Variants in SPATA17 observed in about 807,000 individuals in gnomAD.
SPATA17 encodes the protein spermatogenesis associated 17.
Under a neutral mutation model 62.2 loss-of-function variants are expected in SPATA17, and 53 were observed. That is an observed-to-expected ratio of 0.85 (90% CI 0.68 to 1.07). SPATA17 has a LOEUF of 1.07. Ranked by LOEUF, SPATA17 falls within the 50% of genes least tolerant of loss-of-function variation. The pLI is 0.00. For synonymous variants in SPATA17, 146 were observed against 146.8 expected, an observed-to-expected ratio of 0.99 and a Z score of 0.04; for missense variants, 466 against 425.5, an observed-to-expected ratio of 1.10 and a Z score of -0.84.
At chr1:217,712,565 TC>T (rs774583346) in intron 5 of SPATA17, among the ~76,000 whole-genome samples, 1 of 152,126 alleles carries the variant, frequency 6.6e-6, no homozygotes, top group Non-Finnish European at 1.5e-5. Flanking sequence ...TGCCCCCTCC[TC>T]CAGCCCCAGG....
chr1:217,667,280 C>A (rs2102895544), intron 3 of SPATA17, among the ~76,000 whole-genome samples: 1 of 152,092 alleles, frequency 6.6e-6, no homozygotes, highest in African/African-American at 2.4e-5. Context: ...AACTCCTGAC[C>A]TCGTGAGTCG....
chr1:217,831,614 G>T (rs567274659), intron 9 of SPATA17, among the ~76,000 whole-genome samples: 1 of 151,872 alleles, frequency 6.6e-6, no homozygotes, highest in Non-Finnish European at 1.5e-5. Flanking sequence ...TTTTCTTATG[G>T]CAAATAAAAT....
chr1:217,749,985 C>CTCTCTCTCTCTCTATA, intron 6 of SPATA17, among the ~76,000 whole-genome samples: 11 of 12,312 alleles, frequency 8.9e-4, no homozygotes, highest in Non-Finnish European at 1.3e-3. Context: ...CTCTCTCTCT[C>CTCTCTCTCTCTCTATA]TATATATATA....
At chr1:217,728,627 A>C (rs1045788881) in intron 5 of SPATA17, among the ~76,000 whole-genome samples, 2 of 152,288 alleles carry the variant, frequency 1.3e-5, no homozygotes, top group Non-Finnish European at 2.9e-5. Context: ...ATTATTTTAA[A>C]GAGTGGCATA....
intron 3 of SPATA17, among the ~76,000 whole-genome samples, chr1:217,660,650 T>A: frequency 6.6e-6 from 1 of 151,888 alleles, no homozygotes; most frequent in Non-Finnish European, 1.5e-5. Context: ...TTTAAAGAGG[T>A]GTTCTCGGTC....
At chr1:217,637,363 T>C (rs962263418) in intron 1 of SPATA17, among the ~76,000 whole-genome samples, 5 of 152,150 alleles carry the variant, frequency 3.3e-5, no homozygotes, top group African/African-American at 9.7e-5. Context: ...GAGGGGGATC[T>C]TTAAATTATT....
At chr1:217,830,814 C>T (rs1478369687) in intron 9 of SPATA17, among the ~76,000 whole-genome samples, 1 of 151,822 alleles carries the variant, frequency 6.6e-6, no homozygotes, top group East Asian at 1.9e-4. Context: ...TAAGGTTAAG[C>T]TATTAGAGAA....
intron 5 of SPATA17, among the ~76,000 whole-genome samples, chr1:217,728,380 T>G (rs1248419684): frequency 6.6e-6 from 1 of 152,192 alleles, no homozygotes; most frequent in African/African-American, 2.4e-5. Flanking sequence ...TTCTTAATTG[T>G]TATACAAATA....
At chr1:217,829,635 A>G (rs1402218659) in intron 9 of SPATA17, among the ~76,000 whole-genome samples, 330 of 149,520 alleles carry the variant, frequency 2.2e-3, no homozygotes, top group African/African-American at 7.1e-3. Flanking sequence ...CTCAAAAAAA[A>G]AAAAAAAAAA....
At chr1:217,813,204 A>G (rs1215009495) in intron 9 of SPATA17, among the ~76,000 whole-genome samples, 3 of 152,200 alleles carry the variant, frequency 2.0e-5, no homozygotes, top group Non-Finnish European at 4.4e-5. Context: ...CGTTGTCTGC[A>G]GAAACTTGGG....
chr1:217,827,470 A>G (rs946281392), intron 9 of SPATA17, among the ~76,000 whole-genome samples: 2 of 152,128 alleles, frequency 1.3e-5, no homozygotes, highest in Admixed American at 1.3e-4. Context: ...CAACATGGCA[A>G]TTCATCCAAG....
intron 8 of SPATA17, among the ~76,000 whole-genome samples, chr1:217,782,897 CTT>C (rs916044170): frequency 3.5e-4 from 53 of 151,920 alleles, no homozygotes; most frequent in South Asian, 1.0e-3. Flanking sequence ...TCTTAAGACA[CTT>C]TGTCATCAAT....
chr1:217,685,178 C>T (rs1009006521), intron 5 of SPATA17, among the ~76,000 whole-genome samples: 1 of 152,104 alleles, frequency 6.6e-6, no homozygotes, highest in African/African-American at 2.4e-5. Context: ...GGGAGGTGCT[C>T]ACTCTCAGGG....
At chr1:217,726,692 C>T (rs1050063237) in intron 5 of SPATA17, among the ~76,000 whole-genome samples, 4 of 150,550 alleles carry the variant, frequency 2.7e-5, no homozygotes, top group African/African-American at 9.8e-5. Flanking sequence ...ATGCGTATTT[C>T]CCTTGTTTTC....
intron 6 of SPATA17, among the ~76,000 whole-genome samples, chr1:217,742,359 C>G (rs1425915932): frequency 6.6e-6 from 1 of 152,180 alleles, no homozygotes; most frequent in Non-Finnish European, 1.5e-5. Context: ...TAACACAACT[C>G]GAAGGGCATA....
rs140274504 is a variant in SPATA17 at position 217,723,733 on chromosome 1, T to G, written c.396-18242T>G. On this transcript the variant is annotated intron_variant, in intron 5 of 10. Transcript: ENST00000366933. ...CCAATGGGGAAATAAGACAAAACAATAGGGCAGACGAGAGACCAAAAAATC... is the reference window on the plus strand; with the variant it reads ...CCAATGGGGAAATAAGACAAAACAAGAGGGCAGACGAGAGACCAAAAAATC... Among the ~76,000 whole-genome samples, 4 of 152,284 alleles carry G rather than the reference T, an allele frequency of 2.6e-5. No individual in the cohort carries two copies. In the East Asian group the frequency reaches 7.7e-4, roughly 29 times the overall value.
chr1:217,824,697 T>G (rs528710504), intron 9 of SPATA17, among the ~76,000 whole-genome samples: 1 of 150,872 alleles, frequency 6.6e-6, no homozygotes, highest in Non-Finnish European at 1.5e-5. Flanking sequence ...TATATATATT[T>G]TATAATGTGT....
At chr1:217,631,660 A>G (rs965815103) in intron 1 of SPATA17, among the ~76,000 whole-genome samples, 25 of 152,158 alleles carry the variant, frequency 1.6e-4, no homozygotes, top group African/African-American at 6.0e-4. Flanking sequence ...TCAGTGTGAG[A>G]TGATTTAAGG....
chr1:217,811,737 A>G (rs1157091036), intron 9 of SPATA17, among the ~76,000 whole-genome samples: 1 of 152,036 alleles, frequency 6.6e-6, no homozygotes, highest in Non-Finnish European at 1.5e-5. Flanking sequence ...TGGCTAGCAT[A>G]ATCTGTACAA....
Sources: gnomAD v4.1 joint callset for allele counts (sites outside exome capture counted in the v4.1 genomes callset) on GRCh38, gnomAD v4.1.1 for gene constraint, MANE v1.5 for transcripts, NCBI Gene and HGNC (gene_info 2026-07-23, HGNC 2026-07-21) for gene names.